Variants in NWD2 observed in about 807,000 individuals in gnomAD.
The protein encoded by NWD2 is NACHT and WD repeat domain-containing protein 2.
NWD2 carries 37 observed loss-of-function variants against 132.7 expected under a neutral mutation model. That is an observed-to-expected ratio of 0.28 (90% CI 0.21 to 0.37). The LOEUF is 0.37. Among genes scored for constraint, NWD2 ranks in the 10% least tolerant of loss-of-function variants. The probability of loss-of-function intolerance (pLI) is 1.00; values close to 1 mark genes in which losing one functional copy is unlikely to be tolerated. For missense variants in NWD2, 1,592 were observed against 2,122.4 expected (o/e 0.75, Z 4.91); for synonymous variants, 705 against 803.0 (o/e 0.88, Z 2.06).
chr4:37,273,088 A>G (rs1047909095), intron 1 of NWD2, among the ~76,000 whole-genome samples: 2 of 151,854 alleles, frequency 1.3e-5, no homozygotes, highest in Non-Finnish European at 2.9e-5. Flanking sequence ...AGGCTGGTCT[A>G]CTAGCAGCAA....
chr4:37,438,917 A>C lies in NWD2; in HGVS notation c.823A>C (p.Met275Leu), dbSNP rs1712401804. The part of the protein sequence containing the change: ...NIERFVKIPE[M>L]GKYMDITGTE... ...TGAGCGCTTTGTGAAAATCCCAGAG[A>C]TGGGAAAATACATGGATATAACTGG... The change falls in exon 6 of 7, where the codon ATG becomes CTG. Residue 275 changes from methionine to leucine, a missense_variant. Transcript: ENST00000309447. 6.4e-7 allele frequency: 1 copy of C among 1,551,970 alleles called. No homozygotes were observed. The highest frequency in any genetic ancestry group is 1.4e-5 in the African/African-American group (1 of 73,060).
intron 3 of NWD2, among the ~76,000 whole-genome samples, chr4:37,377,671 C>G (rs1450615246): frequency 6.6e-6 from 1 of 152,018 alleles, no homozygotes; most frequent in Non-Finnish European, 1.5e-5. Flanking sequence ...GCGGAGGTTG[C>G]GGTGAGCCGA....
At chr4:37,436,464 C>G (rs1382704237) in intron 5 of NWD2, among the ~76,000 whole-genome samples, 2 of 152,196 alleles carry the variant, frequency 1.3e-5, no homozygotes, top group Admixed American at 1.3e-4. Flanking sequence ...ATTTATCCCC[C>G]CTGAGCCAAG....
intron 3 of NWD2, among the ~76,000 whole-genome samples, chr4:37,402,884 T>G (rs1397343255): frequency 6.6e-6 from 1 of 152,260 alleles, no homozygotes; most frequent in Non-Finnish European, 1.5e-5. Context: ...TTATATAAAA[T>G]GTACTAGTTT....
At chr4:37,381,504 A>G (rs111601459) in intron 3 of NWD2, among the ~76,000 whole-genome samples, 271 of 152,310 alleles carry the variant, frequency 1.8e-3, no homozygotes, top group Non-Finnish European at 3.2e-3. Flanking sequence ...TCAGGGCAGG[A>G]CTACCTCCAA....
At chr4:37,364,802 G>A (rs554724873) in intron 3 of NWD2, among the ~76,000 whole-genome samples, 16 of 152,052 alleles carry the variant, frequency 1.1e-4, no homozygotes, top group African/African-American at 3.9e-4. Flanking sequence ...CCTGGCAGTG[G>A]ACCCTAAGCC....
At chr4:37,357,010 G>A (rs1208215553) in intron 3 of NWD2, among the ~76,000 whole-genome samples, 1 of 152,042 alleles carries the variant, frequency 6.6e-6, no homozygotes, top group African/African-American at 2.4e-5. Context: ...GCTAAAGATC[G>A]ACAGAGATAT....
chr4:37,287,266 G>A (rs947958678), intron 1 of NWD2, among the ~76,000 whole-genome samples: 3 of 152,214 alleles, frequency 2.0e-5, no homozygotes. Flanking sequence ...GCCTAAGCCT[G>A]CAGAGCTCCC....
At chr4:37,434,078 T>G (rs1712250865) in intron 5 of NWD2, 58 bp downstream of exon 5, 1 of 1,161,342 alleles carries the variant, frequency 8.6e-7, no homozygotes, top group Non-Finnish European at 1.2e-6. Flanking sequence ...GTACATCTAC[T>G]GCTTCCCTTT....
At position 37,447,447 on chromosome 4, in the gene NWD2, T is replaced by G. The variant is rs1029349927; in HGVS notation, c.*230T>G. 2 of 543,686 alleles carry G rather than the reference T, an allele frequency of 3.7e-6. No homozygotes were observed. Among genetic ancestry groups the G allele is most frequent in the Non-Finnish European group, 6.5e-6 (2 of 305,574 alleles). 33.7% of individuals were successfully genotyped at this position (543,686 alleles called of 1,614,324 possible). A position where few individuals can be genotyped will look rare whatever the true frequency, so the allele number is the denominator to read the frequency against. ...CTAGTAGTAATATTTAAATGGTTACTTCATCTGAAAGGCAGAGGCTAAAAG... is the reference window on the plus strand; with the variant it reads ...CTAGTAGTAATATTTAAATGGTTACGTCATCTGAAAGGCAGAGGCTAAAAG... On this transcript the variant is annotated 3_prime_UTR_variant, in exon 7 of 7. Transcript: ENST00000309447.
At chr4:37,273,992 T>C (rs1427169894) in intron 1 of NWD2, among the ~76,000 whole-genome samples, 2 of 151,956 alleles carry the variant, frequency 1.3e-5, no homozygotes, top group African/African-American at 2.4e-5. Context: ...AGATCTAAAA[T>C]TGACACCTTA....
At chr4:37,264,384 A>C (rs780202995) in intron 1 of NWD2, among the ~76,000 whole-genome samples, 1 of 151,996 alleles carries the variant, frequency 6.6e-6, no homozygotes, top group Non-Finnish European at 1.5e-5. Context: ...TCCCTCCTGA[A>C]GTTGTTTTGC....
At chr4:37,410,977 T>A (rs541107537) in intron 3 of NWD2, among the ~76,000 whole-genome samples, 137 of 152,302 alleles carry the variant, frequency 9.0e-4, no homozygotes, top group Non-Finnish European at 1.5e-3. Flanking sequence ...CCAGAATCTC[T>A]GGGACATATT....
intron 1 of NWD2, among the ~76,000 whole-genome samples, chr4:37,315,939 C>T (rs1718948212): frequency 6.6e-6 from 1 of 152,012 alleles, no homozygotes; most frequent in Non-Finnish European, 1.5e-5. Context: ...ATACTTTGCA[C>T]TGGTACAGCT....
At chr4:37,317,284 A>C (rs1718977196) in intron 1 of NWD2, among the ~76,000 whole-genome samples, 1 of 152,164 alleles carries the variant, frequency 6.6e-6, no homozygotes, top group African/African-American at 2.4e-5. Context: ...ATCTTTCTTA[A>C]GTTTGTGTGT....
rs1209344809 is a variant in NWD2, at chr4:37,447,153, C to G, written c.5165C>G (p.Ser1722Cys). Reference sequence around the variant, plus strand: ...GCAACACCCTCCAAGAAACACAACTCTTGTTATGAGCGGGTATGCTCGGCC... The same window carrying G: ...GCAACACCCTCCAAGAAACACAACTGTTGTTATGAGCGGGTATGCTCGGCC... Reference protein sequence around the residue: ...NEATPSKKHNSCYERVCSALE... With the variant: ...NEATPSKKHNCCYERVCSALE... Residue 1722 changes from serine (S) to cysteine (C), a missense_variant, in exon 7 of 7, where the codon TCT becomes TGT. By Grantham distance (112) the Ser-to-Cys change is moderately radical. Around this residue, in one of 7 missense-constraint regions of NWD2, gnomAD observed 257 missense variants for 335.0 expected, o/e 0.77. Transcript: ENST00000309447. 3 of 1,551,306 alleles carry G rather than the reference C, an allele frequency of 1.9e-6. No individual in the cohort carries two copies. The highest frequency in any genetic ancestry group is 2.7e-5 in the African/African-American group (2 of 73,056).
intron 2 of NWD2, among the ~76,000 whole-genome samples, chr4:37,338,104 G>A (rs1719446577): frequency 6.6e-6 from 1 of 152,198 alleles, no homozygotes; most frequent in Admixed American, 6.5e-5. Flanking sequence ...TGGTGTTTAT[G>A]TGCTCTGGTC....
At chr4:37,333,315 C>G (rs919075073) in intron 2 of NWD2, among the ~76,000 whole-genome samples, 1 of 152,148 alleles carries the variant, frequency 6.6e-6, no homozygotes, top group Non-Finnish European at 1.5e-5. Flanking sequence ...TCCTGTCTAA[C>G]CTAGCATAGT....
rs1202890528 is a variant in NWD2, at chr4:37,325,945, C to T, written c.161C>T (p.Ala54Val). 6.5e-7 allele frequency: 1 copy of T among 1,542,546 alleles called. No homozygotes were observed. Among genetic ancestry groups the T allele is most frequent in the Non-Finnish European group, 8.8e-7 (1 of 1,139,352 alleles). ...TGTCTTTCTACTACAGATACGGGAG[C>T]AGAAAGACAGGCGCTAAGAGAAAAT... is the stretch of plus-strand genomic sequence containing the variant. Reference protein sequence around the residue: ...FISANPEDTGAERQALRENVY... With the variant: ...FISANPEDTGVERQALRENVY... The change falls in exon 2 of 7, where the codon GCA (alanine) becomes GTA (valine). Residue 54 changes from alanine (A) to valine (V), a missense_variant. By Grantham distance (64) the Ala-to-Val change is moderately conservative (BLOSUM62 0). Coordinates refer to ENST00000309447, the MANE Select transcript of NWD2 (RefSeq NM_001144990.2).
Sources: allele counts gnomAD v4.1 joint callset (sites outside exome capture counted in the v4.1 genomes callset), GRCh38; gene constraint gnomAD v4.1.1; regional missense constraint gnomAD v4.1.1; transcripts MANE v1.5; gene names NCBI Gene and HGNC (gene_info 2026-07-23, HGNC 2026-07-21).